The following SYT14 variants were observed in gnomAD, a reference collection of about 807,000 sequenced individuals.
The protein encoded by SYT14 is synaptotagmin 14.
A neutral mutation model predicts 74.2 loss-of-function variants in SYT14; 32 were observed. That is an observed-to-expected ratio of 0.43 (90% CI 0.33 to 0.58). SYT14 has a LOEUF of 0.58. Ranked by LOEUF, SYT14 falls within the 20% of genes least tolerant of loss-of-function variation. The probability of loss-of-function intolerance (pLI) is 0.05; values close to 1 mark genes in which losing one functional copy is unlikely to be tolerated. For missense variants in SYT14, 791 were observed against 981.8 expected, an observed-to-expected ratio of 0.81 and a Z score of 2.60; for synonymous variants, 298 against 337.7, an observed-to-expected ratio of 0.88 and a Z score of 1.29.
At chr1:210,046,527 C>A (rs1007933644) in intron 5 of SYT14, among the ~76,000 whole-genome samples, 3 of 152,144 alleles carry the variant, frequency 2.0e-5, no homozygotes, top group Admixed American at 6.5e-5. Flanking sequence ...TACAGTTAAT[C>A]CCTACTCTCA....
At chr1:210,004,516 T>G (rs2079955813) in intron 2 of SYT14, among the ~76,000 whole-genome samples, 1 of 152,064 alleles carries the variant, frequency 6.6e-6, no homozygotes, top group African/African-American at 2.4e-5. Flanking sequence ...CATCATTTCA[T>G]TGCTTATCTT....
At chr1:210,084,297 C>G (rs540738309) in intron 5 of SYT14, among the ~76,000 whole-genome samples, 115 of 152,286 alleles carry the variant, frequency 7.6e-4, no homozygotes, top group African/African-American at 2.6e-3. Flanking sequence ...AAGAGGCCAA[C>G]AAAGCTTTTT....
intron 5 of SYT14, among the ~76,000 whole-genome samples, chr1:210,023,244 C>G (rs966975105): frequency 6.6e-6 from 1 of 152,100 alleles, no homozygotes; most frequent in African/African-American, 2.4e-5. Flanking sequence ...CTCAAAAAAC[C>G]TACTGACTGG....
chr1:209,944,095 A>T (rs972175949), intron 1 of SYT14, among the ~76,000 whole-genome samples: 3 of 152,232 alleles, frequency 2.0e-5, no homozygotes, highest in Admixed American at 2.0e-4. Flanking sequence ...TCATCATGAG[A>T]TAGAAGTTTT....
Position 210,055,084 on chromosome 1 carries a change from C to T in SYT14, c.1312+33830C>T, listed in dbSNP as rs1008508022. 2.0e-5 allele frequency among the ~76,000 whole-genome samples: 3 copies of T among 152,124 alleles called. No homozygotes were observed. The South Asian group carries it at 6.2e-4, about 32-fold the overall frequency. ...CTTCAATTCCTGAGCCTTTCTGGAC[C>T]TCTGTTGAGTGAAAGGGCTTGTTTC... On this transcript the variant is annotated intron_variant, in intron 5 of 9. Transcript: ENST00000637265.
chr1:210,114,683 A>G (rs1482233586), intron 7 of SYT14, among the ~76,000 whole-genome samples: 1 of 151,218 alleles, frequency 6.6e-6, no homozygotes, highest in African/African-American at 2.5e-5. Flanking sequence ...AAAAAGGAGC[A>G]TTAACCTTGA....
chr1:209,982,695 T>C lies in SYT14; in HGVS notation c.-486+29939T>C, dbSNP rs1054099747. Among the ~76,000 whole-genome samples, 13 of 152,240 alleles carry C rather than the reference T, an allele frequency of 8.5e-5. No individual in the cohort carries two copies. In the East Asian group the frequency reaches 2.5e-3, roughly 29 times the overall value. On this transcript the variant is annotated intron_variant, in intron 2 of 9. Coordinates refer to ENST00000637265, the Ensembl canonical transcript of SYT14. ...TTTTGTGTGGATGTAAGTTTTCAAC[T>C]TTTTTCAGTAAATATCAAGGAATGT...
chr1:210,130,579 C>G (rs1040651509), intron 7 of SYT14, among the ~76,000 whole-genome samples: 1 of 152,172 alleles, frequency 6.6e-6, no homozygotes, highest in African/African-American at 2.4e-5. Flanking sequence ...CATTAATTAT[C>G]CACAAGGCCA....
chr1:209,956,767 C>T (rs1437804758), intron 2 of SYT14, among the ~76,000 whole-genome samples: 1 of 151,978 alleles, frequency 6.6e-6, no homozygotes, highest in African/African-American at 2.4e-5. Context: ...CTTCTAGAGG[C>T]AGGTATATAA....
At chr1:209,998,535 C>G (rs2079837896) in intron 2 of SYT14, among the ~76,000 whole-genome samples, 1 of 151,950 alleles carries the variant, frequency 6.6e-6, no homozygotes, top group Admixed American at 6.6e-5. Context: ...AAGCAGCATA[C>G]TATCTGACTT....
intron 1 of SYT14, among the ~76,000 whole-genome samples, chr1:209,939,538 A>G (rs1413831750): frequency 2.0e-5 from 3 of 152,218 alleles, no homozygotes; most frequent in East Asian, 1.9e-4. Flanking sequence ...TTGAGTTAAA[A>G]TGGTGGGGAA....
At chr1:210,170,736 A>G (rs2083515774) in exon 10 of SYT14, 2 of 152,174 alleles carry the variant, frequency 1.3e-5, no homozygotes, top group African/African-American at 2.4e-5. Flanking sequence ...TGTCAATTAC[A>G]TAAGGAAATA....
chr1:210,143,110 C>G (rs76646904), intron 7 of SYT14, among the ~76,000 whole-genome samples: 1 of 151,948 alleles, frequency 6.6e-6, no homozygotes, highest in Non-Finnish European at 1.5e-5. Context: ...AAGGAAGAGC[C>G]TATTTTGAGA....
rs142643939 is a variant in SYT14 at position 209,993,445 on chromosome 1, T to C, written c.-485-20188T>C. Reference sequence around the variant, plus strand: ...GAACCTGACCCCAAGCTGCGGGACATCTGGGTACCCCCAGAGCTCCAGCCT... The same window carrying C: ...GAACCTGACCCCAAGCTGCGGGACACCTGGGTACCCCCAGAGCTCCAGCCT... On this transcript the variant is annotated intron_variant, in intron 2 of 9. Coordinates refer to ENST00000637265, the Ensembl canonical transcript of SYT14. Among the ~76,000 whole-genome samples the C allele has an allele frequency of 2.0e-5, 3 of 152,294 alleles. No homozygotes were observed. The East Asian group carries it at 5.8e-4, about 29-fold the overall frequency.
intron 5 of SYT14, among the ~76,000 whole-genome samples, chr1:210,035,587 T>G (rs2103007204): frequency 6.6e-6 from 1 of 152,088 alleles, no homozygotes; most frequent in South Asian, 2.1e-4. Context: ...GAGATAATTT[T>G]TTTATGTCAT....
chr1:210,085,553 T>C (rs1404251417), intron 5 of SYT14, among the ~76,000 whole-genome samples: 1 of 152,212 alleles, frequency 6.6e-6, no homozygotes, highest in Non-Finnish European at 1.5e-5. Flanking sequence ...TTTCTATTCC[T>C]AGTGCACTGA....
chr1:210,145,762 A>G (rs1419263852), intron 7 of SYT14, among the ~76,000 whole-genome samples: 2 of 152,134 alleles, frequency 1.3e-5, no homozygotes, highest in African/African-American at 4.8e-5. Flanking sequence ...GGCTTAGCTC[A>G]TACTTTCTTT....
intron 5 of SYT14, among the ~76,000 whole-genome samples, chr1:210,044,503 G>C (rs572087166): frequency 6.6e-6 from 1 of 152,332 alleles, no homozygotes; most frequent in East Asian, 1.9e-4. Context: ...CAAAGCCATA[G>C]GAATCTTGTT....
intron 2 of SYT14, among the ~76,000 whole-genome samples, chr1:209,991,585 C>CTAT (rs1296290526): frequency 6.6e-6 from 1 of 152,072 alleles, no homozygotes; most frequent in Non-Finnish European, 1.5e-5. Flanking sequence ...AAGGAGATAC[C>CTAT]GTCTTACACC....
Sources: gnomAD v4.1 joint callset for allele counts (sites outside exome capture counted in the v4.1 genomes callset) on GRCh38, gnomAD v4.1.1 for gene constraint, MANE v1.5 for transcripts, NCBI Gene and HGNC (gene_info 2026-07-23, HGNC 2026-07-21) for gene names.